Variants in PHLPP2 observed in about 807,000 individuals in gnomAD.
The protein encoded by PHLPP2 is PH domain and leucine rich repeat protein phosphatase 2.
In PHLPP2, 66 loss-of-function variants were observed where a neutral mutation model predicts 124.9. That is an observed-to-expected ratio of 0.53 (90% CI 0.43 to 0.65). The LOEUF is 0.65. Among genes scored for constraint, PHLPP2 ranks in the 30% least tolerant of loss-of-function variants. The pLI, the probability that PHLPP2 is intolerant of heterozygous loss-of-function variation, is 0.00. For missense variants in PHLPP2, 1,685 were observed against 1,600.4 expected, an observed-to-expected ratio of 1.05 and a Z score of -0.90; for synonymous variants, 681 against 624.7, an observed-to-expected ratio of 1.09 and a Z score of -1.34.
rs879576262 is a variant in PHLPP2 at position 71,668,764 on chromosome 16, CA to C, written c.1628+510del. The stretch of plus-strand genomic sequence containing the variant: ...GGGTGACAGAATGAGACCCTGTCTC[CA>C]AAAAAAAAAGACTACCTTCAAATGC... On this transcript the variant is annotated intron_variant, in intron 11 of 18. Coordinates refer to ENST00000568954, the MANE Select transcript of PHLPP2 (RefSeq NM_015020.3). 3.0e-4 allele frequency among the ~76,000 whole-genome samples: 44 copies of C among 144,922 alleles called. 1 individual carries two copies. The East Asian group carries it at 5.6e-3, about 18-fold the overall frequency.
chr16:71,649,354 C>T lies in PHLPP2; in HGVS notation c.3508G>A (p.Asp1170Asn). ...TCCCTCCCCCTGCAGCAGTGGATGT[C>T]TACTTCCACCTCTACCTTGCTGCCA... ...TNGSKVEVEV[D>N]IHCCRGRDLE... is the part of the protein sequence containing the mutation. Residue 1170 changes from aspartate to asparagine, a missense_variant, in exon 19 of 19, where the codon GAC (aspartate) becomes AAC (asparagine). Asp to Asn is a conservative substitution (Grantham distance 23, BLOSUM62 1). Coordinates refer to ENST00000568954, the MANE Select transcript of PHLPP2 (RefSeq NM_015020.3). 6.2e-7 allele frequency: 1 copy of T among 1,611,978 alleles called. No homozygotes were observed. The highest frequency in any genetic ancestry group is 8.5e-7 in the Non-Finnish European group (1 of 1,178,092).
At chr16:71,665,048 G>C (rs2044826724) in intron 12 of PHLPP2, among the ~76,000 whole-genome samples, 2 of 152,146 alleles carry the variant, frequency 1.3e-5, no homozygotes, top group South Asian at 4.1e-4. Context: ...GGTGGCTCAC[G>C]CCTGTAATCC....
In PHLPP2 at chr16:71,714,593, G is replaced by C; in HGVS notation, c.203C>G (p.Thr68Ser). 6.2e-7 allele frequency: 1 copy of C among 1,614,104 alleles called. No homozygotes were observed. The highest frequency in any genetic ancestry group is 1.3e-5 in the African/African-American group (1 of 75,046). The change falls in exon 2 of 19, where the codon ACT becomes AGT. Residue 68 changes from threonine to serine, a missense_variant. Transcript: ENST00000568954. ...TATTTCTGATGCTGGTGTCTCTACA[G>C]TGCAAAGGACGAGATGTAAGTCAGA... ...SSSDLHLVLC[T>S]VETPASEICA...
chr16:71,670,411 T>A (rs1291807045), intron 10 of PHLPP2, among the ~76,000 whole-genome samples: 1 of 151,986 alleles, frequency 6.6e-6, no homozygotes, highest in Non-Finnish European at 1.5e-5. Context: ...TCAGACTGTA[T>A]TAGCTAGCCA....
At chr16:71,698,683 T>C (rs2045198625) in intron 3 of PHLPP2, 1 of 488,024 alleles carries the variant, frequency 2.0e-6, no homozygotes, top group Non-Finnish European at 3.9e-6. Context: ...AGGAACTCAG[T>C]TGGCTTAACT....
chr16:71,667,931 T>C (rs982082243), intron 11 of PHLPP2, among the ~76,000 whole-genome samples: 2 of 152,154 alleles, frequency 1.3e-5, no homozygotes, highest in Non-Finnish European at 2.9e-5. Flanking sequence ...ATTTTATACC[T>C]CAATGCTTTG....
chr16:71,700,374 C>T (rs2045218819), intron 3 of PHLPP2, among the ~76,000 whole-genome samples: 1 of 151,428 alleles, frequency 6.6e-6, no homozygotes, highest in Non-Finnish European at 1.5e-5. Flanking sequence ...CATTGCACTA[C>T]AGCCTAGGCA....
chr16:71,688,914 A>C (rs796806105), intron 4 of PHLPP2, among the ~76,000 whole-genome samples: 11 of 152,238 alleles, frequency 7.2e-5, no homozygotes, highest in African/African-American at 2.6e-4. Context: ...ATGTAACTGG[A>C]TTCTCCCACC....
chr16:71,655,462 C>G (rs910527954), intron 16 of PHLPP2, 28 bp from the exon 17 acceptor site: 5 of 1,532,182 alleles, frequency 3.3e-6, no homozygotes, highest in South Asian at 1.2e-5. Context: ...AAACAGAAAA[C>G]AGAAAAGTTA....
In PHLPP2 at chr16:71,667,257, G is replaced by A; in HGVS notation, c.1705C>T (p.His569Tyr). ...HVQNLPTLVEHIPLEVLDLQH... is the reference protein window; with the variant it reads ...HVQNLPTLVEYIPLEVLDLQH... Reference sequence around the variant, plus strand: ...AGATCCAGCACCTCGAGGGGGATGTGCTCTACCAGTGTTGGAAGGTTTTGC... The same window carrying A: ...AGATCCAGCACCTCGAGGGGGATGTACTCTACCAGTGTTGGAAGGTTTTGC... The change falls in exon 12 of 19, where the codon CAC becomes TAC. Residue 569 changes from histidine (H) to tyrosine (Y), a missense_variant. By Grantham distance (83) the His-to-Tyr change is moderately conservative. Coordinates refer to ENST00000568954, the MANE Select transcript of PHLPP2 (RefSeq NM_015020.3). 1 of 1,613,748 alleles carries A rather than the reference G, an allele frequency of 6.2e-7. No individual in the cohort carries two copies. The highest frequency in any genetic ancestry group is 8.5e-7 in the Non-Finnish European group (1 of 1,179,732).
chr16:71,700,450 TG>T (rs2045219822), intron 3 of PHLPP2, among the ~76,000 whole-genome samples: 1 of 151,350 alleles, frequency 6.6e-6, no homozygotes. Context: ...ACAAATTCTT[TG>T]ACACTCCTTT....
intron 13 of PHLPP2, among the ~76,000 whole-genome samples, chr16:71,662,497 T>A (rs140221951): frequency 6.6e-6 from 1 of 151,836 alleles, no homozygotes; most frequent in Admixed American, 6.6e-5. Flanking sequence ...CCTTGGAAGG[T>A]TGAGGCAGGA....
intron 1 of PHLPP2, among the ~76,000 whole-genome samples, chr16:71,718,376 G>A (rs1037727950): frequency 5.9e-5 from 9 of 151,974 alleles, no homozygotes; most frequent in African/African-American, 9.6e-5. Context: ...TCAGGAGTTC[G>A]AGACCAGCCT....
chr16:71,692,837 T>A (rs559107349), intron 3 of PHLPP2, among the ~76,000 whole-genome samples: 26 of 152,332 alleles, frequency 1.7e-4, no homozygotes, highest in Admixed American at 3.3e-4. Context: ...TTTATTTTTT[T>A]AAAATATTTT....
At chr16:71,709,475 T>C (rs1321993878) in intron 2 of PHLPP2, among the ~76,000 whole-genome samples, 2 of 152,242 alleles carry the variant, frequency 1.3e-5, no homozygotes, top group Non-Finnish European at 2.9e-5. Context: ...GTTGGTTATT[T>C]CGATGACTAA....
chr16:71,697,215 T>TAATAA (rs1555547740), intron 3 of PHLPP2, among the ~76,000 whole-genome samples: 63 of 82,658 alleles, frequency 7.6e-4, no homozygotes, highest in African/African-American at 2.2e-3. Flanking sequence ...AATAAATAAA[T>TAATAA]AAAAAGAAAC....
At chr16:71,652,728 C>CTACACAAAG (rs2044705244) in intron 18 of PHLPP2, 62 bp downstream of exon 18, 1 of 1,254,238 alleles carries the variant, frequency 8.0e-7, no homozygotes, top group East Asian at 2.3e-5. Flanking sequence ...TTCATCACCT[C>CTACACAAAG]TACACAAAGC....
At chr16:71,656,947 ATTTAT>A (rs2044747033) in intron 15 of PHLPP2, among the ~76,000 whole-genome samples, 1 of 148,166 alleles carries the variant, frequency 6.7e-6, no homozygotes, top group Non-Finnish European at 1.5e-5. Context: ...ATTCTATTTT[ATTTAT>A]TTATTTTTTT....
At chr16:71,662,398 C>G (rs954936074) in intron 13 of PHLPP2, among the ~76,000 whole-genome samples, 1 of 151,810 alleles carries the variant, frequency 6.6e-6, no homozygotes, top group African/African-American at 2.4e-5. Flanking sequence ...CCACAGCACT[C>G]CAGCCTGGCC....
Sources: allele counts gnomAD v4.1 joint callset (sites outside exome capture counted in the v4.1 genomes callset), GRCh38; gene constraint gnomAD v4.1.1; transcripts MANE v1.5; gene names NCBI Gene and HGNC (gene_info 2026-07-23, HGNC 2026-07-21).